Variants in GRIA4 observed in about 807,000 individuals in gnomAD.
The protein encoded by GRIA4 is glutamate ionotropic receptor AMPA type subunit 4.
In GRIA4, 34 loss-of-function variants were observed where a neutral mutation model predicts 104.0. The ratio of observed to expected loss-of-function variants is 0.33; its 90% confidence interval spans 0.25 to 0.44. The LOEUF (loss-of-function observed/expected upper bound fraction) is 0.44, where lower values mean the gene tolerates loss of function less well. GRIA4 is among the 20% of genes least tolerant of loss of function. The pLI is 1.00. For missense variants in GRIA4, 750 were observed against 1,096.5 expected (o/e 0.68, Z 4.46); for synonymous variants, 386 against 381.9 (o/e 1.01, Z -0.13).
intron 4 of GRIA4, among the ~76,000 whole-genome samples, chr11:105,782,792 G>T (rs1941785387): frequency 6.6e-6 from 1 of 152,182 alleles, no homozygotes; most frequent in Admixed American, 6.5e-5. Flanking sequence ...GAACAGAAGA[G>T]CAATGCTAGT....
At chr11:105,906,061 T>A (rs1407043080) in intron 9 of GRIA4, among the ~76,000 whole-genome samples, 2 of 152,180 alleles carry the variant, frequency 1.3e-5, no homozygotes, top group African/African-American at 4.8e-5. Flanking sequence ...GTTAACCTTA[T>A]CTAAAAGCTG....
chr11:105,945,150 C>T (rs565546489), intron 14 of GRIA4, among the ~76,000 whole-genome samples: 186 of 152,176 alleles, frequency 1.2e-3, no homozygotes, highest in African/African-American at 4.3e-3. Context: ...CACCATGATG[C>T]GCCCTCCATT....
chr11:105,723,833 T>A (rs1938002599), intron 3 of GRIA4, among the ~76,000 whole-genome samples: 1 of 152,040 alleles, frequency 6.6e-6, no homozygotes, highest in African/African-American at 2.4e-5. Flanking sequence ...ATGAACTCAA[T>A]GCAGCGTCAC....
intron 5 of GRIA4, 38 bp from the exon 6 acceptor site, chr11:105,887,481 T>C: frequency 1.2e-6 from 1 of 852,112 alleles, no homozygotes. Context: ...TTCAGTGAAT[T>C]AAAATTGATT....
intron 3 of GRIA4, among the ~76,000 whole-genome samples, chr11:105,646,151 C>T (rs991911095): frequency 6.6e-6 from 1 of 152,122 alleles, no homozygotes; most frequent in South Asian, 2.1e-4. Flanking sequence ...CAATATCAAA[C>T]ATGCAATAAT....
chr11:105,861,208 C>A (rs774314200), intron 4 of GRIA4, among the ~76,000 whole-genome samples: 2 of 152,098 alleles, frequency 1.3e-5, no homozygotes, highest in Non-Finnish European at 2.9e-5. Context: ...CCCCCACCTG[C>A]ATCAGTCTTG....
At chr11:105,925,329 G>A (rs1392302392) in intron 12 of GRIA4, among the ~76,000 whole-genome samples, 1 of 152,060 alleles carries the variant, frequency 6.6e-6, no homozygotes, top group African/African-American at 2.4e-5. Context: ...TAGTTTTATG[G>A]AAATGTTTTT....
chr11:105,668,994 A>T (rs1159968150), intron 3 of GRIA4, among the ~76,000 whole-genome samples: 1 of 151,898 alleles, frequency 6.6e-6, no homozygotes, highest in Admixed American at 6.6e-5. Context: ...AATGTTCAAA[A>T]ACCCCTCACC....
intron 3 of GRIA4, among the ~76,000 whole-genome samples, chr11:105,668,473 C>A (rs1952247875): frequency 6.6e-6 from 1 of 151,156 alleles, no homozygotes; most frequent in Non-Finnish European, 1.5e-5. Flanking sequence ...GTGCAGATAT[C>A]TCTGCAAGGT....
chr11:105,753,871 G>A (rs367603679), intron 4 of GRIA4, among the ~76,000 whole-genome samples: 1 of 152,178 alleles, frequency 6.6e-6, no homozygotes, highest in South Asian at 2.1e-4. Flanking sequence ...TGGATGGGAA[G>A]AGGTGTGGGG....
intron 3 of GRIA4, among the ~76,000 whole-genome samples, chr11:105,739,440 T>G (rs1939174246): frequency 6.6e-6 from 1 of 152,168 alleles, no homozygotes; most frequent in African/African-American, 2.4e-5. Flanking sequence ...CAGAAGCAGC[T>G]TCAGAGAAGA....
intron 16 of GRIA4, among the ~76,000 whole-genome samples, chr11:105,978,530 TTAAAC>T (rs1400587276): frequency 6.6e-6 from 1 of 152,148 alleles, no homozygotes. Context: ...CCACCAGTTT[TTAAAC>T]TAGTTACTAA....
At chr11:105,725,805 T>G (rs1483766387) in intron 3 of GRIA4, among the ~76,000 whole-genome samples, 2 of 152,018 alleles carry the variant, frequency 1.3e-5, no homozygotes, top group African/African-American at 4.8e-5. Flanking sequence ...GGCAACTCCC[T>G]CCCCTAGCCA....
At chr11:105,967,488 T>C (rs1204040792) in intron 14 of GRIA4, among the ~76,000 whole-genome samples, 3 of 152,200 alleles carry the variant, frequency 2.0e-5, no homozygotes, top group Non-Finnish European at 4.4e-5. Flanking sequence ...AATTTCTCTC[T>C]AACCCTGTAG....
intron 16 of GRIA4, among the ~76,000 whole-genome samples, chr11:105,977,678 T>C (rs1033453694): frequency 6.6e-6 from 1 of 152,092 alleles, no homozygotes; most frequent in Non-Finnish European, 1.5e-5. Flanking sequence ...TCTTGTCTTA[T>C]GTTTCTTAAA....
At chr11:105,833,474 A>G (rs77088579) in intron 4 of GRIA4, among the ~76,000 whole-genome samples, 4,945 of 152,072 alleles carry the variant, frequency 0.033, 178 homozygotes, top group African/African-American at 0.087. Flanking sequence ...TACAGATGGT[A>G]GGATGGAAAT....
rs1412632427 is a variant in GRIA4 at position 105,612,348 on chromosome 11, G to A, written c.161G>A (p.Ser54Asn). 1 of 1,613,986 alleles carries A rather than the reference G, an allele frequency of 6.2e-7. No individual in the cohort carries two copies. The highest frequency in any genetic ancestry group is 2.2e-5 in the East Asian group (1 of 44,874). ...FRLAIFLHNT[S>N]PNASEAPFNL... ...TTAGCAATTTTTCTTCATAACACCA[G>A]CCCCAATGCGTCGGAAGCTCCTTTT... The change falls in exon 3 of 17, where the codon AGC (serine) becomes AAC (asparagine). Residue 54 changes from serine to asparagine, a missense_variant. Transcript: ENST00000282499.
intron 4 of GRIA4, among the ~76,000 whole-genome samples, chr11:105,764,649 T>C (rs767894766): frequency 6.6e-6 from 1 of 152,086 alleles, no homozygotes; most frequent in Non-Finnish European, 1.5e-5. Flanking sequence ...ATATAATACA[T>C]TGAAGAGTTA....
At chr11:105,965,414 C>A (rs1591494066) in intron 14 of GRIA4, among the ~76,000 whole-genome samples, 1 of 151,238 alleles carries the variant, frequency 6.6e-6, no homozygotes, top group East Asian at 1.9e-4. Context: ...ATCAGGAAAT[C>A]CTAGATTCTG....
Sources: allele counts gnomAD v4.1 joint callset (sites outside exome capture counted in the v4.1 genomes callset), GRCh38; gene constraint gnomAD v4.1.1; transcripts MANE v1.5; gene names NCBI Gene and HGNC (gene_info 2026-07-23, HGNC 2026-07-21).